Variants in C10orf143 observed in about 807,000 individuals in gnomAD.
C10orf143 encodes chromosome 10 open reading frame 143.
chr10:130,038,482 G>T (rs945367533), intron 3 of C10orf143, among the ~76,000 whole-genome samples: 2 of 152,094 alleles, frequency 1.3e-5, no homozygotes, highest in African/African-American at 4.8e-5. Flanking sequence ...CTCACTTAAG[G>T]TCTTGATGAG....
chr10:130,049,745 G>A (rs1176232973), intron 3 of C10orf143, among the ~76,000 whole-genome samples: 1 of 152,226 alleles, frequency 6.6e-6, no homozygotes, highest in Non-Finnish European at 1.5e-5. Flanking sequence ...GGCGCTTTGA[G>A]TCCTGAGGGA....
At chr10:130,073,093 C>T (rs1254453961) in intron 3 of C10orf143, among the ~76,000 whole-genome samples, 3 of 152,326 alleles carry the variant, frequency 2.0e-5, no homozygotes, top group East Asian at 3.9e-4. Flanking sequence ...CTTGACCCCT[C>T]TTCTCACCAT....
At chr10:130,039,629 C>G (rs1860584208) in intron 3 of C10orf143, among the ~76,000 whole-genome samples, 1 of 152,208 alleles carries the variant, frequency 6.6e-6, no homozygotes, top group Admixed American at 6.5e-5. Flanking sequence ...ATTTCACTAG[C>G]TATCTGGGTA....
chr10:130,090,677 CT>C (rs1861366843), intron 1 of C10orf143, among the ~76,000 whole-genome samples: 1 of 152,148 alleles, frequency 6.6e-6, no homozygotes, highest in Non-Finnish European at 1.5e-5. Context: ...GAAATTCTCA[CT>C]GCCAGCACAG....
At chr10:130,088,643 G>C (rs1861331409) in intron 1 of C10orf143, among the ~76,000 whole-genome samples, 1 of 152,138 alleles carries the variant, frequency 6.6e-6, no homozygotes. Flanking sequence ...TTTAGTTCAA[G>C]TCCTACCATG....
intron 1 of C10orf143, among the ~76,000 whole-genome samples, chr10:130,105,362 A>T (rs1005651376): frequency 3.9e-5 from 6 of 152,230 alleles, no homozygotes; most frequent in African/African-American, 1.4e-4. Context: ...TCCTTAGGCC[A>T]GTTAATTACC....
At chr10:130,103,820 C>CA (rs1048127492) in intron 1 of C10orf143, among the ~76,000 whole-genome samples, 47 of 126,376 alleles carry the variant, frequency 3.7e-4, no homozygotes, top group South Asian at 1.0e-3. Flanking sequence ...AAAAAGAAAA[C>CA]AAAAAAAAAA....
At chr10:130,080,874 A>G (rs1218432926) in intron 1 of C10orf143, among the ~76,000 whole-genome samples, 1 of 152,238 alleles carries the variant, frequency 6.6e-6, no homozygotes, top group Admixed American at 6.5e-5. Flanking sequence ...GATGAGGGAA[A>G]AGGAAGAGAG....
chr10:130,056,971 T>C lies in C10orf143; in HGVS notation c.298-21001A>G, dbSNP rs1307794605. Among the ~76,000 whole-genome samples the C allele has an allele frequency of 6.6e-6, 1 of 152,140 alleles. No homozygotes were observed. Among genetic ancestry groups the C allele is most frequent in the Admixed American group, 6.5e-5 (1 of 15,278 alleles). ...GGCTCGATCATGGCTCACTGCAGCC[T>C]TGATCTCCTGGGCTCAAGTGACTCT... On this transcript the variant is annotated intron_variant and NMD_transcript_variant, in intron 3 of 5. Coordinates refer to the C10orf143 transcript ENST00000643056. This position sits in a 1 kb window ranked among gnomAD's most constrained non-coding sequence, Gnocchi z 4.6.
rs147894415 is a variant in C10orf143, at chr10:130,090,206, G to T, written c.70-10305C>A. On this transcript the variant is annotated intron_variant, in intron 1 of 3. Transcript: ENST00000637128. ...GCGGGTGATTTCTGCATTTACAACT[G>T]AAGTACCTAGCTCATCTCATTGGGA... Among the ~76,000 whole-genome samples, 140 of 152,232 alleles carry T rather than the reference G, an allele frequency of 9.2e-4. No homozygotes were observed. In the East Asian group the frequency reaches 0.014, roughly 15 times the overall value.
chr10:130,048,069 G>A (rs1488866552), intron 3 of C10orf143, among the ~76,000 whole-genome samples: 1 of 152,222 alleles, frequency 6.6e-6, no homozygotes, highest in Admixed American at 6.5e-5. Context: ...CTTCATCCCA[G>A]TCATGGGGCA....
chr10:130,076,303 C>T (rs918172392), intron 3 of C10orf143, among the ~76,000 whole-genome samples: 35 of 152,162 alleles, frequency 2.3e-4, no homozygotes, highest in Non-Finnish European at 1.0e-4. Context: ...GCTCTGGCCT[C>T]CTCCTCCTTC....
intron 3 of C10orf143, among the ~76,000 whole-genome samples, chr10:130,051,123 C>T (rs900180010): frequency 6.6e-6 from 1 of 152,144 alleles, no homozygotes; most frequent in Non-Finnish European, 1.5e-5. Context: ...TCCATGTTCT[C>T]ACCAGAATTA....
chr10:130,101,791 C>CA, intron 1 of C10orf143, among the ~76,000 whole-genome samples: 1 of 124,680 alleles, frequency 8.0e-6, no homozygotes, highest in South Asian at 2.6e-4. Flanking sequence ...ACCCGGGAGA[C>CA]AGAGATTGCA....
At chr10:130,085,985 A>C (rs986621096) in intron 1 of C10orf143, among the ~76,000 whole-genome samples, 22 of 152,118 alleles carry the variant, frequency 1.4e-4, no homozygotes, top group African/African-American at 5.3e-4. Flanking sequence ...TCTCCAACCA[A>C]ATATCCCTAG....
intron 1 of C10orf143, chr10:130,106,455 C>T (rs1188967968): frequency 6.2e-7 from 1 of 1,602,490 alleles, no homozygotes; most frequent in Admixed American, 1.7e-5. Context: ...TTGAACAGGT[C>T]CAATTCTGAA....
At position 130,107,131 on chromosome 10, in the gene C10orf143, G is replaced by A. The variant is rs775229396; in HGVS notation, c.69+3573C>T. On this transcript the variant is annotated intron_variant, in intron 1 of 3. Coordinates refer to ENST00000637128, the MANE Select transcript of C10orf143 (RefSeq NM_001355042.2). ...ATCTTCGGACTGAACAAGCATCTTT[G>A]CAGTCAGAAAACACACATTTTGAAA... 6.2e-5 allele frequency: 99 copies of A among 1,603,526 alleles called. No homozygotes were observed. The South Asian group carries it at 1.1e-3, about 17-fold the overall frequency.
chr10:130,045,284 G>C (rs533676716), intron 3 of C10orf143, among the ~76,000 whole-genome samples: 27 of 152,364 alleles, frequency 1.8e-4, no homozygotes, highest in African/African-American at 6.0e-4. Flanking sequence ...CCTGCAGGTC[G>C]GCGGGGCCTG....
intron 1 of C10orf143, among the ~76,000 whole-genome samples, chr10:130,108,686 A>C (rs1308369256): frequency 6.6e-6 from 1 of 152,244 alleles, no homozygotes; most frequent in Non-Finnish European, 1.5e-5. Flanking sequence ...TATTATAGAA[A>C]CAACAGTGGG....
Sources: gnomAD v4.1 joint callset for allele counts (sites outside exome capture counted in the v4.1 genomes callset) on GRCh38, gnomAD v4.1.1 for gene constraint, Gnocchi (gnomAD v3.1) non-coding constraint, MANE v1.5 for transcripts, NCBI Gene and HGNC (gene_info 2026-07-23, HGNC 2026-07-21) for gene names.